Variants in NFIB observed in about 807,000 individuals in gnomAD.
The protein encoded by NFIB is nuclear factor I B.
Under a neutral mutation model 61.5 loss-of-function variants are expected in NFIB, and 11 were observed. That is an observed-to-expected ratio of 0.18 (90% CI 0.11 to 0.30). The LOEUF is 0.30. NFIB is among the 10% of genes least tolerant of loss of function. The pLI is 1.00. For missense variants in NFIB, 471 were observed against 608.9 expected, an observed-to-expected ratio of 0.77 and a Z score of 2.38; for synonymous variants, 260 against 216.5, an observed-to-expected ratio of 1.20 and a Z score of -1.76.
In NFIB at chr9:14,287,548, G is replaced by C. The variant is rs562502460; in HGVS notation, c.562+19441C>G. On this transcript the variant is annotated intron_variant, in intron 2 of 10. Transcript: ENST00000380953. Reference sequence around the variant, plus strand: ...AAACGATCTTCTGCCTCAGCTTCCCGAGTAGCTGGGATTACAGGTGCGCAC... The same window carrying C: ...AAACGATCTTCTGCCTCAGCTTCCCCAGTAGCTGGGATTACAGGTGCGCAC... Among the ~76,000 whole-genome samples, 3 of 151,760 alleles carry C rather than the reference G, an allele frequency of 2.0e-5. 1 individual carries two copies. Among genetic ancestry groups the C allele is most frequent in the East Asian group, 2.0e-4 (1 of 5,098 alleles).
intron 1 of NFIB, among the ~76,000 whole-genome samples, chr9:14,360,649 A>T (rs1021760868): frequency 6.7e-6 from 1 of 150,142 alleles, no homozygotes; most frequent in Non-Finnish European, 1.5e-5. Flanking sequence ...GGCTCACACC[A>T]TTCTCCTGCC....
rs574888930 is a variant in NFIB at position 14,280,943 on chromosome 9, C to G, written c.562+26046G>C. 2.6e-5 allele frequency among the ~76,000 whole-genome samples: 4 copies of G among 152,180 alleles called. 1 individual carries two copies. The South Asian group carries it at 8.3e-4, about 32-fold the overall frequency. On this transcript the variant is annotated intron_variant, in intron 2 of 10. Transcript: ENST00000380953. ...TATAATTTTCTGGAGATTCATTAAA[C>G]TACAATACTTCATATGCAAAGGCAA...
At chr9:14,266,600 A>C (rs1362031444) in intron 2 of NFIB, among the ~76,000 whole-genome samples, 1 of 151,888 alleles carries the variant, frequency 6.6e-6, no homozygotes, top group Non-Finnish European at 1.5e-5. Context: ...GTCTCAAAAA[A>C]AAAACAATAA....
At chr9:14,143,103 TTTTAAAATA>T (rs2041930188) in intron 6 of NFIB, among the ~76,000 whole-genome samples, 1 of 152,150 alleles carries the variant, frequency 6.6e-6, no homozygotes, top group Non-Finnish European at 1.5e-5. Flanking sequence ...TTATGGTTAG[TTTTAAAATA>T]TTCATGTCTA....
chr9:14,360,009 T>A (rs534769103), intron 1 of NFIB, among the ~76,000 whole-genome samples: 2 of 152,296 alleles, frequency 1.3e-5, no homozygotes, highest in Admixed American at 6.5e-5. Context: ...AATGTAGACA[T>A]GCTAATTTTT....
At chr9:14,413,296 TAC>T in the NFIB span, among the ~76,000 whole-genome samples, 1 of 152,162 alleles carries the variant, frequency 6.6e-6, no homozygotes, top group Non-Finnish European at 1.5e-5. Context: ...AAATAACTTC[TAC>T]TTACTTTTTC....
At chr9:14,318,505 C>CTTTTTTTTTTTTTTTTTTTTT (rs34481505), upstream of NFIB, among the ~76,000 whole-genome samples, 4 of 66,842 alleles carry the variant, frequency 6.0e-5, no homozygotes, top group African/African-American at 2.0e-4. Context: ...CACTCGATGC[C>CTTTTTTTTTTTTTTTTTTTTT]TTTTTTTTTT....
At chr9:14,243,214 T>A (rs561336912) in intron 2 of NFIB, among the ~76,000 whole-genome samples, 44 of 152,322 alleles carry the variant, frequency 2.9e-4, no homozygotes, top group Admixed American at 5.9e-4. Context: ...AATCACTTAA[T>A]GAAAATTCCC....
the NFIB span, among the ~76,000 whole-genome samples, chr9:14,419,551 C>A: frequency 6.6e-6 from 1 of 152,252 alleles, no homozygotes; most frequent in East Asian, 1.9e-4. Flanking sequence ...CAAGAGACCC[C>A]GTGTTTTAAT....
chr9:14,205,505 G>C (rs1451902594), intron 2 of NFIB, among the ~76,000 whole-genome samples: 1 of 151,710 alleles, frequency 6.6e-6, no homozygotes, highest in Non-Finnish European at 1.5e-5. Context: ...CCAGCTAACA[G>C]GCTATGTTCA....
At chr9:14,505,069 T>C in the NFIB span, among the ~76,000 whole-genome samples, 439 of 152,342 alleles carry the variant, frequency 2.9e-3, 3 homozygotes, top group Non-Finnish European at 4.9e-3. Flanking sequence ...AAATACTTTT[T>C]CTGCATCTAT....
intron 1 of NFIB, among the ~76,000 whole-genome samples, chr9:14,308,267 G>C (rs1441161897): frequency 1.3e-5 from 2 of 152,120 alleles, no homozygotes; most frequent in Non-Finnish European, 2.9e-5. Flanking sequence ...GTCCTGAACA[G>C]AAGGTTTCCA....
At chr9:14,257,863 T>G (rs997779214) in intron 2 of NFIB, among the ~76,000 whole-genome samples, 1 of 152,206 alleles carries the variant, frequency 6.6e-6, no homozygotes, top group Admixed American at 6.5e-5. Context: ...GTAGGCAGAA[T>G]TATTTGTTAT....
the NFIB span, among the ~76,000 whole-genome samples, chr9:14,473,337 C>A: frequency 6.6e-6 from 1 of 152,152 alleles, no homozygotes; most frequent in African/African-American, 2.4e-5. Context: ...GATTCCAAGA[C>A]TAGAACAAAA....
chr9:14,408,972 G>T, the NFIB span, among the ~76,000 whole-genome samples: 1 of 152,130 alleles, frequency 6.6e-6, no homozygotes, highest in Non-Finnish European at 1.5e-5. Flanking sequence ...CAAAATCTGG[G>T]TTTAAACCCA....
chr9:14,304,872 T>G (rs1436265247), intron 2 of NFIB, among the ~76,000 whole-genome samples: 1 of 152,158 alleles, frequency 6.6e-6, no homozygotes, highest in Non-Finnish European at 1.5e-5. Flanking sequence ...AATATATAAA[T>G]TTTGAAAAGG....
chr9:14,188,779 T>C (rs188734031), intron 2 of NFIB, among the ~76,000 whole-genome samples: 354 of 152,310 alleles, frequency 2.3e-3, no homozygotes, highest in Non-Finnish European at 2.9e-3. Flanking sequence ...TGGGAGACAT[T>C]TTGGATTTCA....
At chr9:14,153,506 A>G (rs2043078750) in intron 4 of NFIB, among the ~76,000 whole-genome samples, 1 of 152,120 alleles carries the variant, frequency 6.6e-6, no homozygotes, top group Non-Finnish European at 1.5e-5. Flanking sequence ...ATGAAGCACC[A>G]AAGAACCTCA....
chr9:14,209,885 A>T (rs1052245359), intron 2 of NFIB, among the ~76,000 whole-genome samples: 2 of 148,186 alleles, frequency 1.3e-5, no homozygotes, highest in East Asian at 2.0e-4. Context: ...TTTCCTGATT[A>T]TTTTTTTTTT....
Sources: gnomAD v4.1 joint callset for allele counts (sites outside exome capture counted in the v4.1 genomes callset) on GRCh38, gnomAD v4.1.1 for gene constraint, MANE v1.5 for transcripts, NCBI Gene and HGNC (gene_info 2026-07-23, HGNC 2026-07-21) for gene names.